Variants in NYNRIN observed in about 807,000 individuals in gnomAD.
NYNRIN encodes protein NYNRIN.
Under a neutral mutation model 146.6 loss-of-function variants are expected in NYNRIN, and 86 were observed. The ratio of observed to expected loss-of-function variants is 0.59; its 90% CI spans 0.49 to 0.70. The LOEUF (loss-of-function observed/expected upper bound fraction) is 0.70, where lower values mean the gene tolerates loss of function less well. NYNRIN is among the 30% of genes least tolerant of loss of function. The probability of loss-of-function intolerance (pLI) is 0.00; values close to 1 mark genes in which losing one functional copy is unlikely to be tolerated. For synonymous variants in NYNRIN, 1,027 were observed against 1,001.3 expected (o/e 1.03, Z -0.48); for missense variants, 2,191 against 2,377.7 (o/e 0.92, Z 1.63).
At position 24,409,375 on chromosome 14, in the gene NYNRIN, G is replaced by T; in HGVS notation, c.1581G>T (p.Gly527=). 1.2e-6 allele frequency: 2 copies of T among 1,614,032 alleles called. No homozygotes were observed. The highest frequency in any genetic ancestry group is 1.6e-4 in the Middle Eastern group (1 of 6,062). ...GGCAAGGGAAGCCCGTGGCTCAAGG[G>T]GGGCTGACAGATCAGTCAGTACCTG... ...PTGQGKPVAQ[G]GLTDQSVPGA... Residue 527 remains glycine, a synonymous_variant, in exon 4 of 9, where the codon GGG becomes GGT. Transcript: ENST00000382554.
intron 6 of NYNRIN, among the ~76,000 whole-genome samples, chr14:24,412,009 AGGGCAGG>A (rs2042915623): frequency 6.6e-6 from 1 of 152,134 alleles, no homozygotes; most frequent in Admixed American, 6.5e-5. Flanking sequence ...TGCCTCTCTT[AGGGCAGG>A]GAAGGCCCTG....
rs775868412 is a variant in NYNRIN, at chr14:24,417,449, G to T, written c.*3G>T. On this transcript the variant is annotated 3_prime_UTR_variant, in exon 9 of 9. Coordinates refer to ENST00000382554, the MANE Select transcript of NYNRIN (RefSeq NM_025081.3). ...CCTTCAAGGTCTTGGAGCAGTGAGC[G>T]GGAGCAGCGGGGGTGCCCCCTGCCC... 3.4e-5 allele frequency: 50 copies of T among 1,465,100 alleles called. No individual in the cohort carries two copies. Among genetic ancestry groups the T allele is most frequent in the East Asian group, 5.0e-5 (2 of 40,400 alleles). 90.8% of individuals were successfully genotyped at this position (1,465,100 alleles called of 1,614,324 possible). A position where few individuals can be genotyped will look rare whatever the true frequency, so the allele number is the denominator to read the frequency against.
At chr14:24,404,547 A>G (rs1156936939) in intron 2 of NYNRIN, among the ~76,000 whole-genome samples, 2 of 152,086 alleles carry the variant, frequency 1.3e-5, no homozygotes, top group African/African-American at 2.4e-5. Context: ...TGTGTTTCAC[A>G]TTAGAAGTTT....
In NYNRIN at chr14:24,408,063, G is replaced by C. The variant is rs1566484295; in HGVS notation, c.393G>C (p.Gln131His). ...TGACTGAGTCTTTCATCATGACACA[G>C]AACTGGCTGGAGGAGCTGGTGGGGC... is the stretch of plus-strand genomic sequence containing the variant. Reference protein sequence around the residue: ...GGLTESFIMTQNWLEELVGRL... With the variant: ...GGLTESFIMTHNWLEELVGRL... Residue 131 changes from glutamine (Q) to histidine (H), a missense_variant, in exon 3 of 9, where the codon CAG (glutamine) becomes CAC (histidine). Physicochemically the swap from Gln to His is conservative, Grantham distance 24 (BLOSUM62 0). Around this residue, in one of 3 missense-constraint regions of NYNRIN, gnomAD observed 895 missense variants for 941.2 expected, o/e 0.95. Transcript: ENST00000382554. The C allele has an allele frequency of 2.5e-6, 4 of 1,613,902 alleles. No individual in the cohort carries two copies. Among genetic ancestry groups the C allele is most frequent in the Middle Eastern group, 1.6e-4 (1 of 6,062 alleles).
chr14:24,411,346 A>AC lies in NYNRIN; in HGVS notation c.2546-3dup. 6.2e-7 allele frequency: 1 copy of AC among 1,613,366 alleles called. No homozygotes were observed. Among genetic ancestry groups the AC allele is most frequent in the Non-Finnish European group, 8.5e-7 (1 of 1,179,702 alleles). Reference sequence around the variant, plus strand: ...TGACCATTTCTGTCTTCTGCCTTTCACCCCCAGAGAGCCACTTTCTGACGA... The same window carrying AC: ...TGACCATTTCTGTCTTCTGCCTTTCACCCCCCAGAGAGCCACTTTCTGACGA... On this transcript the variant is annotated splice_region_variant and splice_polypyrimidine_tract_variant and intron_variant, in intron 5 of 8. Transcript: ENST00000382554. This position sits in a 1 kb window ranked among gnomAD's most constrained non-coding sequence, Gnocchi z 4.3.
chr14:24,405,942 G>A (rs1315400364), intron 2 of NYNRIN, among the ~76,000 whole-genome samples: 1 of 151,814 alleles, frequency 6.6e-6, no homozygotes, highest in African/African-American at 2.4e-5. Flanking sequence ...CGGGTGGATC[G>A]CGTGAGGTCA....
rs1406358765 is a variant in NYNRIN, at chr14:24,413,533, A to G, written c.2846+116A>G. On this transcript the variant is annotated intron_variant, in intron 8 of 8. Coordinates refer to ENST00000382554, the MANE Select transcript of NYNRIN (RefSeq NM_025081.3). ...ATGATCAGAGTGATCTGACTTTTTC[A>G]TGTCTTTATACTTGTGCCACATGTT... The G allele has an allele frequency of 4.5e-6, 3 of 665,234 alleles. No individual in the cohort carries two copies. The South Asian group carries it at 6.6e-5, about 15-fold the overall frequency. 41.2% of individuals were successfully genotyped at this position (665,234 alleles called of 1,614,324 possible).
In NYNRIN at chr14:24,411,295, G is replaced by A. The variant is rs1195464308; in HGVS notation, c.2546-59G>A. 2 of 1,612,856 alleles carry A rather than the reference G, an allele frequency of 1.2e-6. No homozygotes were observed. The highest frequency in any genetic ancestry group is 1.7e-6 in the Non-Finnish European group (2 of 1,179,110). ...TGCCCCGACCCTCTGCCACCCCAGA[G>A]TGGCCATTTCCACTTAGCCCTCCCT... On this transcript the variant is annotated intron_variant, in intron 5 of 8. Coordinates refer to ENST00000382554, the MANE Select transcript of NYNRIN (RefSeq NM_025081.3). This position sits in a 1 kb window ranked among gnomAD's most constrained non-coding sequence, Gnocchi z 4.3.
In NYNRIN at chr14:24,417,059, G is replaced by A. The variant is rs534007372; in HGVS notation, c.5310G>A (p.Glu1770=). ...CCGGGGGTGAGTCAAGGCTCACGGA[G>A]CCCCTGTGGTGGGAGATGAGCAGCG... ...VLTGGESRLT[E]PLWWEMSSAN... is the part of the protein sequence containing the mutation. The change falls in exon 9 of 9, where the codon GAG becomes GAA. Residue 1770 remains glutamate (E), a synonymous_variant. Coordinates refer to ENST00000382554, the MANE Select transcript of NYNRIN (RefSeq NM_025081.3). 3 of 1,612,540 alleles carry A rather than the reference G, an allele frequency of 1.9e-6. No homozygotes were observed. The highest frequency in any genetic ancestry group is 2.7e-5 in the African/African-American group (2 of 75,018).
At position 24,409,619 on chromosome 14, in the gene NYNRIN, A is replaced by AATC; in HGVS notation, c.1827_1829dup (p.Asn609_Gln610insHis). ...GGCCACAGCTCAAAAAACAGTTGTGAATCAACCAGTGTTGGTAGCTCAAGT... is the reference window on the plus strand; with the variant it reads ...GGCCACAGCTCAAAAAACAGTTGTGAATCATCAACCAGTGTTGGTAGCTCAAGT... On this transcript the variant is annotated inframe_insertion, in exon 4 of 9. Coordinates refer to ENST00000382554, the MANE Select transcript of NYNRIN (RefSeq NM_025081.3). The AATC allele has an allele frequency of 6.2e-7, 1 of 1,608,564 alleles. No individual in the cohort carries two copies. The highest frequency in any genetic ancestry group is 8.5e-7 in the Non-Finnish European group (1 of 1,177,410).
Position 24,415,932 on chromosome 14 carries a change from C to T in NYNRIN, c.4183C>T (p.Arg1395Trp), listed in dbSNP as rs773467592. ...GGAGCTCCTGCCCCTCTGGAGGGCT[C>T]GGGGCTTCCTCTCCTCTGATGGGGC... Reference protein sequence around the residue: ...LWELLPLWRARGFLSSDGAPL... With the variant: ...LWELLPLWRAWGFLSSDGAPL... Residue 1395 changes from arginine (R) to tryptophan (W), a missense_variant, in exon 9 of 9, where the codon CGG (arginine) becomes TGG (tryptophan). Physicochemically the swap from Arg to Trp is moderately radical, Grantham distance 101 (BLOSUM62 -3). Coordinates refer to ENST00000382554, the MANE Select transcript of NYNRIN (RefSeq NM_025081.3). 1.5e-5 allele frequency: 24 copies of T among 1,613,738 alleles called. No individual in the cohort carries two copies. Among genetic ancestry groups the T allele is most frequent in the Non-Finnish European group, 1.7e-5 (20 of 1,179,888 alleles).
rs575552934 is a variant in NYNRIN at position 24,415,081 on chromosome 14, A to G, written c.3332A>G (p.Tyr1111Cys). The G allele has an allele frequency of 3.7e-6, 6 of 1,611,754 alleles. No homozygotes were observed. The highest frequency in any genetic ancestry group is 4.5e-5 in the East Asian group (2 of 44,834). Residue 1111 changes from tyrosine (Y) to cysteine (C), a missense_variant, in exon 9 of 9, where the codon TAT (tyrosine) becomes TGT (cysteine). Tyr to Cys is a radical substitution (Grantham distance 194, BLOSUM62 -2). Transcript: ENST00000382554. ...MDSHRDAIPD[Y>C]EALVGPLHSL... ...TCCCACAGGGATGCCATCCCTGACTATGAAGCCCTAGTGGGCCCCCTGCAC... is the reference window on the plus strand; with the variant it reads ...TCCCACAGGGATGCCATCCCTGACTGTGAAGCCCTAGTGGGCCCCCTGCAC...
chr14:24,408,152 G>T lies in NYNRIN; in HGVS notation c.482G>T (p.Arg161Leu), dbSNP rs572906859. 1.2e-6 allele frequency: 2 copies of T among 1,603,318 alleles called. No individual in the cohort carries two copies. The highest frequency in any genetic ancestry group is 1.7e-6 in the Non-Finnish European group (2 of 1,177,082). ...PRGIWEAEVT[R>L]AFGALVWIRG... ...GGGATCTGGGAGGCTGAGGTGACCC[G>T]GGCCTTTGGGGCCCTGGTCTGGATC... is the stretch of plus-strand genomic sequence containing the variant. Residue 161 changes from arginine to leucine, a missense_variant, in exon 3 of 9, where the codon CGG becomes CTG. Arg to Leu is a moderately radical substitution (Grantham distance 102). Around this residue, in one of 3 missense-constraint regions of NYNRIN, gnomAD observed 895 missense variants for 941.2 expected, o/e 0.95. Transcript: ENST00000382554.
intron 2 of NYNRIN, among the ~76,000 whole-genome samples, chr14:24,407,635 C>A (rs868794646): frequency 6.6e-6 from 1 of 152,228 alleles, no homozygotes; most frequent in Non-Finnish European, 1.5e-5. Flanking sequence ...TCCCTCCTCT[C>A]TCCCAGGCTT....
At position 24,415,007 on chromosome 14, in the gene NYNRIN, C is replaced by T. The variant is rs201805085; in HGVS notation, c.3258C>T (p.Thr1086=). ...TTCTTGCCCACCTGGCCCAGCTCAC[C>T]ATCCCCAGCAACTTCACCGCACTCT... ...QQVLAHLAQL[T]IPSNFTALSF... is the part of the protein sequence containing the mutation. Residue 1086 remains threonine (T), a synonymous_variant, in exon 9 of 9, where the codon ACC becomes ACT. Transcript: ENST00000382554. 8.7e-6 allele frequency: 14 copies of T among 1,602,438 alleles called. No homozygotes were observed. In the African/African-American group the frequency reaches 1.9e-4, roughly 21 times the overall value.
rs1182661895 is a variant in NYNRIN, at chr14:24,408,737, C to A, written c.943C>A (p.His315Asn). 1.2e-6 allele frequency: 2 copies of A among 1,613,808 alleles called. No individual in the cohort carries two copies. The highest frequency in any genetic ancestry group is 2.7e-5 in the African/African-American group (2 of 74,922). ...CACCAGCAGCCAGGACTCCACGAACCACACACAAGCCTTGTTGAAGCAAAG... is the reference window on the plus strand; with the variant it reads ...CACCAGCAGCCAGGACTCCACGAACAACACACAAGCCTTGTTGAAGCAAAG... ...QATSSQDSTN[H>N]TQALLKQRQV... The change falls in exon 4 of 9, where the codon CAC becomes AAC. Residue 315 changes from histidine to asparagine, a missense_variant. Transcript: ENST00000382554.
chr14:24,401,786 CCT>C (rs1458160640), intron 2 of NYNRIN, among the ~76,000 whole-genome samples: 2 of 152,158 alleles, frequency 1.3e-5, no homozygotes, highest in Non-Finnish European at 2.9e-5. Flanking sequence ...AGTCCTTTTC[CCT>C]CTCTGAGTCT....
chr14:24,411,273 C>T lies in NYNRIN; in HGVS notation c.2545+67C>T, dbSNP rs2042911310. Reference sequence around the variant, plus strand: ...AGCTTTCTTCTCTCTGCCTTGCTGCCCCGACCCTCTGCCACCCCAGAGTGG... The same window carrying T: ...AGCTTTCTTCTCTCTGCCTTGCTGCTCCGACCCTCTGCCACCCCAGAGTGG... On this transcript the variant is annotated intron_variant, in intron 5 of 8. Coordinates refer to ENST00000382554, the MANE Select transcript of NYNRIN (RefSeq NM_025081.3). This position sits in a 1 kb window ranked among gnomAD's most constrained non-coding sequence, Gnocchi z 4.3. 6.2e-7 allele frequency: 1 copy of T among 1,608,438 alleles called. No individual in the cohort carries two copies. The highest frequency in any genetic ancestry group is 8.5e-7 in the Non-Finnish European group (1 of 1,176,312).
At position 24,415,002 on chromosome 14, in the gene NYNRIN, C is replaced by G; in HGVS notation, c.3253C>G (p.Leu1085Val). Residue 1085 changes from leucine (L) to valine (V), a missense_variant, in exon 9 of 9, where the codon CTC becomes GTC. Physicochemically the swap from Leu to Val is conservative, Grantham distance 32. Transcript: ENST00000382554. ...GCAGGTTCTTGCCCACCTGGCCCAG[C>G]TCACCATCCCCAGCAACTTCACCGC... ...CQQVLAHLAQ[L>V]TIPSNFTALS... The G allele has an allele frequency of 1.9e-6, 3 of 1,599,996 alleles. No individual in the cohort carries two copies. Among genetic ancestry groups the G allele is most frequent in the Non-Finnish European group, 2.6e-6 (3 of 1,169,320 alleles).
Sources: gnomAD v4.1 joint callset for allele counts (sites outside exome capture counted in the v4.1 genomes callset) on GRCh38, gnomAD v4.1.1 for gene constraint, gnomAD v4.1.1 regional missense constraint, Gnocchi (gnomAD v3.1) non-coding constraint, MANE v1.5 for transcripts, NCBI Gene and HGNC (gene_info 2026-07-23, HGNC 2026-07-21) for gene names.